RAB30: variants seen among roughly 807,000 people sequenced by gnomAD.
RAB30 encodes RAB30, member RAS oncogene family.
A neutral mutation model predicts 25.1 loss-of-function variants in RAB30; 9 were observed. The observed-to-expected ratio is 0.36, with a 90% CI of 0.22 to 0.63. The LOEUF is 0.63. Among genes scored for constraint, RAB30 ranks in the 20% least tolerant of loss-of-function variants. The pLI, the probability that RAB30 is intolerant of heterozygous loss-of-function variation, is 0.69. For synonymous variants in RAB30, 77 were observed against 86.4 expected, an observed-to-expected ratio of 0.89 and a Z score of 0.60; for missense variants, 140 against 243.5, an observed-to-expected ratio of 0.58 and a Z score of 2.83.
chr11:82,985,139 T>C (rs1454646083), intron 4 of RAB30, among the ~76,000 whole-genome samples: 1 of 152,040 alleles, frequency 6.6e-6, no homozygotes, highest in African/African-American at 2.4e-5. Flanking sequence ...ATTTTTTGTA[T>C]ATTTTAGTAG....
intron 1 of RAB30, among the ~76,000 whole-genome samples, chr11:83,066,619 C>T (rs553538448): frequency 3.4e-4 from 52 of 152,308 alleles, no homozygotes; most frequent in African/African-American, 1.2e-3. Flanking sequence ...GGCACAATCT[C>T]GGCTCACAGC....
intron 1 of RAB30, among the ~76,000 whole-genome samples, chr11:83,051,160 C>T (rs1858349574): frequency 1.3e-5 from 2 of 152,158 alleles, no homozygotes; most frequent in African/African-American, 4.8e-5. Flanking sequence ...CCTTCCATCT[C>T]CTTCTCCATC....
rs1565269815 is a variant in RAB30, at chr11:82,994,108, T to A, written c.108A>T (p.Pro36=). Residue 36 remains proline, a synonymous_variant, in exon 3 of 5, where the codon CCA becomes CCT. Transcript: ENST00000527633. ...VRRFTQGLFP[P]GQGATIGVDF... ...CAACTCCAATTGTGGCTCCTTGACC[T>A]GGGGGGAAAAGACCCTGAAGAAGAA... The A allele has an allele frequency of 1.2e-6, 2 of 1,608,854 alleles. No individual in the cohort carries two copies. Among genetic ancestry groups the A allele is most frequent in the East Asian group, 2.2e-5 (1 of 44,852 alleles).
At chr11:83,028,465 G>C (rs1178891754) in intron 1 of RAB30, among the ~76,000 whole-genome samples, 1 of 152,066 alleles carries the variant, frequency 6.6e-6, no homozygotes, top group Non-Finnish European at 1.5e-5. Flanking sequence ...CAGGTTGCCA[G>C]GTTGAAAGGG....
rs1856523205 is a variant in RAB30 at position 82,975,203 on chromosome 11, C to G, written c.*6962G>C. The stretch of plus-strand genomic sequence containing the variant: ...CAATTAACATTCATTGTCAAATAAC[C>G]TACAAGAAAGTTCCACTAGCATTCT... On this transcript the variant is annotated 3_prime_UTR_variant, in exon 5 of 5. Coordinates refer to ENST00000527633, the MANE Select transcript of RAB30 (RefSeq NM_001286060.2). The G allele has an allele frequency of 6.6e-6, 1 of 152,064 alleles. No individual in the cohort carries two copies. Among genetic ancestry groups the G allele is most frequent in the South Asian group, 2.1e-4 (1 of 4,820 alleles). 9.4% of individuals were successfully genotyped at this position (152,064 alleles called of 1,614,324 possible).
Position 82,981,016 on chromosome 11 carries a change from T to C in RAB30, c.*1149A>G, listed in dbSNP as rs967489262. 6.6e-6 allele frequency: 1 copy of C among 152,194 alleles called. No homozygotes were observed. Among genetic ancestry groups the C allele is most frequent in the African/African-American group, 2.4e-5 (1 of 41,442 alleles). The allele number at this position is 152,194 out of a possible 1,614,324, so 9.4% of individuals were successfully genotyped here. A position where few individuals can be genotyped will look rare whatever the true frequency, so the allele number is the denominator to read the frequency against. On this transcript the variant is annotated 3_prime_UTR_variant, in exon 5 of 5. Transcript: ENST00000527633. ...TTTTCTAAGGTTATCATCGAAGATATAAAAATGGGTCGTGAGACTTTTCAT... is the reference window on the plus strand; with the variant it reads ...TTTTCTAAGGTTATCATCGAAGATACAAAAATGGGTCGTGAGACTTTTCAT...
intron 1 of RAB30, among the ~76,000 whole-genome samples, chr11:83,030,358 T>C (rs1437019869): frequency 6.8e-6 from 1 of 146,046 alleles, no homozygotes; most frequent in Non-Finnish European, 1.5e-5. Context: ...ATTAGTTGGG[T>C]GTGGTGGTAT....
In RAB30 at chr11:82,976,359, C is replaced by T. The variant is rs1856545577; in HGVS notation, c.*5806G>A. ...TTCACAATAATCCTGACAGGTCTAT[C>T]TCATAGATGAGAAGATTGATGCTCA... On this transcript the variant is annotated 3_prime_UTR_variant, in exon 5 of 5. Transcript: ENST00000527633. 1 of 152,184 alleles carries T rather than the reference C, an allele frequency of 6.6e-6. No homozygotes were observed. Among genetic ancestry groups the T allele is most frequent in the South Asian group, 2.1e-4 (1 of 4,832 alleles). 9.4% of individuals were successfully genotyped at this position (152,184 alleles called of 1,614,324 possible). A position where few individuals can be genotyped will look rare whatever the true frequency, so the allele number is the denominator to read the frequency against.
rs749170427 is a variant in RAB30 at position 82,982,186 on chromosome 11, C to A, written c.591G>T (p.Leu197Phe). The change falls in exon 5 of 5, where the codon TTG becomes TTT. Residue 197 changes from leucine to phenylalanine, a missense_variant. Leu to Phe is a conservative substitution (Grantham distance 22). Coordinates refer to ENST00000527633, the MANE Select transcript of RAB30 (RefSeq NM_001286060.2). ...LPGEGKSISYLTCCNFN is the reference protein window; with the variant it reads ...LPGEGKSISYFTCCNFN ...GCCTTTAGTTGAAATTACAACAAGT[C>A]AAATAGCTGATGCTTTTCCCTTCTC... 2 of 1,614,054 alleles carry A rather than the reference C, an allele frequency of 1.2e-6. No homozygotes were observed. The highest frequency in any genetic ancestry group is 1.7e-5 in the Admixed American group (1 of 59,998).
Position 82,987,653 on chromosome 11 carries a change from A to T in RAB30, c.295T>A (p.Cys99Ser). The change falls in exon 4 of 5, where the codon TGC becomes AGC. Residue 99 changes from cysteine to serine, a missense_variant. Coordinates refer to ENST00000527633, the MANE Select transcript of RAB30 (RefSeq NM_001286060.2). ...YDITCEESFRCLPEWLREIEQ... is the reference protein window; with the variant it reads ...YDITCEESFRSLPEWLREIEQ... ...ATCTCCCGCAGCCACTCAGGAAGGC[A>T]ACGGAAGGATTCCTCACAGGTAATG... The T allele has an allele frequency of 6.2e-7, 1 of 1,613,978 alleles. No homozygotes were observed.
At chr11:82,997,592 T>G (rs1026190248) in intron 1 of RAB30, 10 of 361,346 alleles carry the variant, frequency 2.8e-5, no homozygotes, top group Non-Finnish European at 4.1e-5. Flanking sequence ...CAAGCTATCA[T>G]GTCGCAGTTT....
chr11:82,981,890 A>T lies in RAB30; in HGVS notation c.*275T>A, dbSNP rs1244272379. The T allele has an allele frequency of 2.4e-6, 1 of 417,978 alleles. No individual in the cohort carries two copies. The highest frequency in any genetic ancestry group is 4.4e-6 in the Non-Finnish European group (1 of 228,746). The allele number at this position is 417,978 out of a possible 1,614,324, so 25.9% of individuals were successfully genotyped here. On this transcript the variant is annotated 3_prime_UTR_variant, in exon 5 of 5. Transcript: ENST00000527633. ...AGGAATGCGCTTTTACTTGCTTTTT[A>T]AAAAAACAAAAGCAACATGCTCTGC...
chr11:82,983,939 T>C (rs572863316), intron 4 of RAB30, among the ~76,000 whole-genome samples: 11 of 152,336 alleles, frequency 7.2e-5, no homozygotes, highest in African/African-American at 2.6e-4. Flanking sequence ...ATTATGCTGG[T>C]ACCATTGGGA....
chr11:83,002,936 C>T (rs554417387), intron 1 of RAB30, among the ~76,000 whole-genome samples: 6 of 152,328 alleles, frequency 3.9e-5, no homozygotes, highest in African/African-American at 1.2e-4. Context: ...CACCTCCAAA[C>T]CCTAGTCCCC....
At chr11:82,996,222 T>C (rs1856955725) in intron 2 of RAB30, among the ~76,000 whole-genome samples, 1 of 152,220 alleles carries the variant, frequency 6.6e-6, no homozygotes, top group African/African-American at 2.4e-5. Context: ...TCAATCTGTC[T>C]CTTTCGTTTT....
At chr11:83,006,920 G>A (rs192665938) in intron 1 of RAB30, among the ~76,000 whole-genome samples, 109 of 152,270 alleles carry the variant, frequency 7.2e-4, no homozygotes, top group Non-Finnish European at 1.3e-3. Context: ...TCCACAGTAT[G>A]GCAGCCAAAA....
In RAB30 at chr11:82,980,193, G is replaced by C. The variant is rs893176678; in HGVS notation, c.*1972C>G. ...TTGCTGGCTTAGTGGAGAGGATGGG[G>C]AGGGAAAGGCAACAATTATTATAAA... On this transcript the variant is annotated 3_prime_UTR_variant, in exon 5 of 5. Coordinates refer to ENST00000527633, the MANE Select transcript of RAB30 (RefSeq NM_001286060.2). The C allele has an allele frequency of 6.6e-6, 1 of 152,156 alleles. No homozygotes were observed. Among genetic ancestry groups the C allele is most frequent in the East Asian group, 1.9e-4 (1 of 5,198 alleles). 9.4% of individuals were successfully genotyped at this position (152,156 alleles called of 1,614,324 possible). A position where few individuals can be genotyped will look rare whatever the true frequency, so the allele number is the denominator to read the frequency against.
chr11:83,043,479 T>C (rs900505893), intron 1 of RAB30, among the ~76,000 whole-genome samples: 1 of 152,216 alleles, frequency 6.6e-6, no homozygotes, highest in Non-Finnish European at 1.5e-5. Flanking sequence ...AGCTAGCTGA[T>C]CAAAGGCAAA....
At chr11:83,012,726 T>TTAG (rs1857331138) in intron 1 of RAB30, among the ~76,000 whole-genome samples, 1 of 152,172 alleles carries the variant, frequency 6.6e-6, no homozygotes, top group Non-Finnish European at 1.5e-5. Context: ...TGTTAGGTGC[T>TTAG]GCTACTGTTA....
Sources: allele counts gnomAD v4.1 joint callset (sites outside exome capture counted in the v4.1 genomes callset), GRCh38; gene constraint gnomAD v4.1.1; transcripts MANE v1.5; gene names NCBI Gene and HGNC (gene_info 2026-07-23, HGNC 2026-07-21).